Variants in SLAMF8 observed in about 807,000 individuals in gnomAD.
The protein encoded by SLAMF8 is SLAM family member 8.
SLAMF8 carries 23 observed loss-of-function variants against 29.0 expected under a neutral mutation model. The ratio of observed to expected loss-of-function variants is 0.79; its 90% CI spans 0.57 to 1.13. The LOEUF is 1.13. Among genes scored for constraint, SLAMF8 ranks in the 50% most tolerant of loss-of-function variants. The pLI, the probability that SLAMF8 is intolerant of heterozygous loss-of-function variation, is 0.00. For synonymous variants in SLAMF8, 139 were observed against 145.6 expected (o/e 0.96, Z 0.32); for missense variants, 381 against 353.1 (o/e 1.08, Z -0.63).
intron 1 of SLAMF8, among the ~76,000 whole-genome samples, chr1:159,828,311 A>G (rs1571130089): frequency 6.6e-6 from 1 of 152,184 alleles, no homozygotes; most frequent in Non-Finnish European, 1.5e-5. Context: ...CTTGGCTGAC[A>G]TCCAGTGCAA....
rs1647926156 is a variant in SLAMF8, at chr1:159,836,262, A to T, written c.*1002A>T. 1 of 985,258 alleles carries T rather than the reference A, an allele frequency of 1.0e-6. No individual in the cohort carries two copies. The highest frequency in any genetic ancestry group is 1.2e-6 in the Non-Finnish European group (1 of 829,856). The allele number at this position is 985,258 out of a possible 1,614,324, so 61.0% of individuals were successfully genotyped here. The stretch of plus-strand genomic sequence containing the variant: ...CACATTCATTTTCAAATGCAAATGC[A>T]GAAGACTTACCTTAGTTCAAGGGGA... On this transcript the variant is annotated 3_prime_UTR_variant, in exon 5 of 5. Transcript: ENST00000289707.
Position 159,832,970 on chromosome 1 carries a change from C to T in SLAMF8, c.462C>T (p.Ala154=). Residue 154 remains alanine (A), a synonymous_variant, in exon 3 of 5, where the codon GCC becomes GCT. Coordinates refer to ENST00000289707, the MANE Select transcript of SLAMF8 (RefSeq NM_020125.3). ...KTCQVFLSCW[A]PNISEITYSW... The stretch of plus-strand genomic sequence containing the variant: ...GCCAGGTTTTCTTGTCCTGTTGGGC[C>T]CCCAACATCAGCGAAATAACCTATA... 1 of 1,614,178 alleles carries T rather than the reference C, an allele frequency of 6.2e-7. No homozygotes were observed. The highest frequency in any genetic ancestry group is 8.5e-7 in the Non-Finnish European group (1 of 1,180,024).
chr1:159,835,503 T>C lies in SLAMF8; in HGVS notation c.*243T>C. 1.6e-6 allele frequency: 2 copies of C among 1,288,282 alleles called. No individual in the cohort carries two copies. Among genetic ancestry groups the C allele is most frequent in the Non-Finnish European group, 2.0e-6 (2 of 1,017,748 alleles). The allele number at this position is 1,288,282 out of a possible 1,614,324, so 79.8% of individuals were successfully genotyped here. On this transcript the variant is annotated 3_prime_UTR_variant, in exon 5 of 5. Coordinates refer to ENST00000289707, the MANE Select transcript of SLAMF8 (RefSeq NM_020125.3). Reference sequence around the variant, plus strand: ...TATCCTGGCTCTTCTCTGGGCAAGATGAGCCAAGCAGAACATTCCATCCAG... The same window carrying C: ...TATCCTGGCTCTTCTCTGGGCAAGACGAGCCAAGCAGAACATTCCATCCAG...
rs1375092266 is a variant in SLAMF8 at position 159,830,092 on chromosome 1, G to C, written c.267G>C (p.Glu89Asp). 4 of 1,614,224 alleles carry C rather than the reference G, an allele frequency of 2.5e-6. No homozygotes were observed. The South Asian group carries it at 4.4e-5, about 18-fold the overall frequency. Residue 89 changes from glutamate to aspartate, a missense_variant, in exon 2 of 5, where the codon GAG (glutamate) becomes GAC (aspartate). Glu to Asp is a conservative substitution (Grantham distance 45). Coordinates refer to ENST00000289707, the MANE Select transcript of SLAMF8 (RefSeq NM_020125.3). The part of the protein sequence containing the change: ...RAQLHSNLSL[E>D]LGPLESGDSG... ...AGCTACACAGCAACCTCAGCCTGGA[G>C]CTCGGGCCGCTGGAGTCTGGAGACA...
rs1319656638 is a variant in SLAMF8 at position 159,829,911 on chromosome 1, T to C, written c.86T>C (p.Val29Ala). 1.2e-6 allele frequency: 2 copies of C among 1,614,066 alleles called. No individual in the cohort carries two copies. Among genetic ancestry groups the C allele is most frequent in the Non-Finnish European group, 1.7e-6 (2 of 1,179,950 alleles). Residue 29 changes from valine to alanine, a missense_variant, in exon 2 of 5, where the codon GTC becomes GCC. Physicochemically the swap from Val to Ala is moderately conservative, Grantham distance 64 (BLOSUM62 0). Transcript: ENST00000289707. ...TVTGAQVLSKVGGSVLLVAAR... is the reference protein window; with the variant it reads ...TVTGAQVLSKAGGSVLLVAAR... ...ACTGGTGCCCAAGTGCTGAGCAAAGTCGGGGGCTCGGTGCTGCTGGTGGCA... is the reference window on the plus strand; with the variant it reads ...ACTGGTGCCCAAGTGCTGAGCAAAGCCGGGGGCTCGGTGCTGCTGGTGGCA...
intron 3 of SLAMF8, 34 bp downstream of exon 3, chr1:159,833,215 C>T (rs1647628028): frequency 2.5e-6 from 4 of 1,613,968 alleles, no homozygotes; most frequent in Non-Finnish European, 3.4e-6. Flanking sequence ...TGGTTGAGGG[C>T]TTATGAAGCA....
intron 3 of SLAMF8, 38 bp downstream of exon 3, chr1:159,833,219 T>A (rs1331958182): frequency 5.6e-6 from 9 of 1,614,034 alleles, no homozygotes; most frequent in African/African-American, 1.3e-5. Context: ...TGAGGGCTTA[T>A]GAAGCATCAA....
chr1:159,829,728 T>C, intron 1 of SLAMF8, 138 bp from the exon 2 acceptor site: 5 of 835,320 alleles, frequency 6.0e-6, no homozygotes, highest in Non-Finnish European at 9.5e-6. Flanking sequence ...CCCTGGTACC[T>C]AGCACAGTGC....
chr1:159,830,042 C>G lies in SLAMF8; in HGVS notation c.217C>G (p.His73Asp). The G allele has an allele frequency of 6.2e-7, 1 of 1,614,254 alleles. No individual in the cohort carries two copies. The highest frequency in any genetic ancestry group is 8.5e-7 in the Non-Finnish European group (1 of 1,180,042). ...CCGAGGCTCCCTGGAGACTCTGTAC[C>G]ATTCCCGCTTCCTGGGCCGAGCCCA... is the stretch of plus-strand genomic sequence containing the variant. Reference protein sequence around the residue: ...FFRGSLETLYHSRFLGRAQLH... With the variant: ...FFRGSLETLYDSRFLGRAQLH... Residue 73 changes from histidine to aspartate, a missense_variant, in exon 2 of 5, where the codon CAT (histidine) becomes GAT (aspartate). Coordinates refer to ENST00000289707, the MANE Select transcript of SLAMF8 (RefSeq NM_020125.3).
rs147457149 is a variant in SLAMF8, at chr1:159,835,594, C to G, written c.*334C>G. On this transcript the variant is annotated 3_prime_UTR_variant, in exon 5 of 5. Transcript: ENST00000289707. ...TAATAGTCCAAGGCATTCCCTCCCC[C>G]ACCACTATTCATAAAGTATTAACCA... 556 of 1,062,498 alleles carry G rather than the reference C, an allele frequency of 5.2e-4. No homozygotes were observed. Among genetic ancestry groups the G allele is most frequent in the Non-Finnish European group, 6.0e-4 (525 of 879,184 alleles). The allele number at this position is 1,062,498 out of a possible 1,614,324, so 65.8% of individuals were successfully genotyped here.
At chr1:159,829,074 G>A (rs755823979) in intron 1 of SLAMF8, among the ~76,000 whole-genome samples, 23 of 152,022 alleles carry the variant, frequency 1.5e-4, no homozygotes, top group East Asian at 7.7e-4. Flanking sequence ...CACCATCTTC[G>A]TGTTTCTCAA....
At position 159,836,244 on chromosome 1, in the gene SLAMF8, AT is replaced by A. The variant is rs1647924245; in HGVS notation, c.*988del. The stretch of plus-strand genomic sequence containing the variant: ...AGGCACTCTAGAATCTGCCACATTC[AT>A]TTTCAAATGCAAATGCAGAAGACTT... On this transcript the variant is annotated 3_prime_UTR_variant, in exon 5 of 5. Coordinates refer to ENST00000289707, the MANE Select transcript of SLAMF8 (RefSeq NM_020125.3). 21 of 985,474 alleles carry A rather than the reference AT, an allele frequency of 2.1e-5. No homozygotes were observed. Among genetic ancestry groups the A allele is most frequent in the Non-Finnish European group, 2.4e-5 (20 of 829,936 alleles). 61.0% of individuals were successfully genotyped at this position (985,474 alleles called of 1,614,324 possible).
Position 159,837,092 on chromosome 1 carries a change from C to T in SLAMF8, c.*1832C>T. The T allele has an allele frequency of 4.1e-6, 4 of 985,448 alleles. No homozygotes were observed. Among genetic ancestry groups the T allele is most frequent in the East Asian group, 1.1e-4 (1 of 8,816 alleles). 61.0% of individuals were successfully genotyped at this position (985,448 alleles called of 1,614,324 possible). ...TCTTTCGTTCATCTCCAGGGCCCCA[C>T]CTCAGATCAAAGCAGCTCTGGATGA... On this transcript the variant is annotated 3_prime_UTR_variant, in exon 5 of 5. Coordinates refer to ENST00000289707, the MANE Select transcript of SLAMF8 (RefSeq NM_020125.3).
Position 159,833,294 on chromosome 1 carries a change from C to T in SLAMF8, c.706C>T (p.Leu236=). Residue 236 remains leucine, a synonymous_variant, in exon 4 of 5, where the codon CTG becomes TTG. Coordinates refer to ENST00000289707, the MANE Select transcript of SLAMF8 (RefSeq NM_020125.3). ...GAAGGCCTCCTACAAAGATGTGCTG[C>T]TGGTGGTGGTGCCTGTCTCGCTGCT... ...PGKASYKDVL[L]VVVPVSLLLM... The T allele has an allele frequency of 1.2e-6, 2 of 1,614,192 alleles. No individual in the cohort carries two copies. The highest frequency in any genetic ancestry group is 1.1e-5 in the South Asian group (1 of 91,086).
chr1:159,833,055 G>T lies in SLAMF8; in HGVS notation c.547G>T (p.Gly183Ter). 6.2e-7 allele frequency: 1 copy of T among 1,614,146 alleles called. No homozygotes were observed. Among genetic ancestry groups the T allele is most frequent in the Non-Finnish European group, 8.5e-7 (1 of 1,180,028 alleles). Residue 183 changes from glycine (G) to a stop codon, truncating the protein, a stop_gained, in exon 3 of 5, where the codon GGA becomes TGA. Coordinates refer to ENST00000289707, the MANE Select transcript of SLAMF8 (RefSeq NM_020125.3). LOFTEE classifies it high-confidence loss of function. ...GGAACCACACAGCCTCTTCACAGACGGACAGGTGCTGAGCATTTCCCTGGG... is the reference window on the plus strand; with the variant it reads ...GGAACCACACAGCCTCTTCACAGACTGACAGGTGCTGAGCATTTCCCTGGG... ...GMEPHSLFTD[G>*]QVLSISLGPG...
chr1:159,832,366 G>A (rs920991876), intron 2 of SLAMF8, among the ~76,000 whole-genome samples: 13 of 152,328 alleles, frequency 8.5e-5, no homozygotes, highest in African/African-American at 2.4e-4. Flanking sequence ...ATAAATGCTT[G>A]TCATCTCTTG....
chr1:159,829,600 T>C (rs915421256), intron 1 of SLAMF8, among the ~76,000 whole-genome samples: 2 of 152,220 alleles, frequency 1.3e-5, no homozygotes, highest in Non-Finnish European at 2.9e-5. Flanking sequence ...TCCCAGGGCA[T>C]CTCATTTTTC....
intron 4 of SLAMF8, among the ~76,000 whole-genome samples, chr1:159,833,974 T>A (rs1647696470): frequency 6.6e-6 from 1 of 152,200 alleles, no homozygotes; most frequent in African/African-American, 2.4e-5. Context: ...TTCTACAAAA[T>A]GGCTCCCTAA....
chr1:159,834,353 C>T (rs1013315865), intron 4 of SLAMF8: 27 of 152,260 alleles, frequency 1.8e-4, no homozygotes, highest in Non-Finnish European at 3.7e-4. Flanking sequence ...GAGGGAACAG[C>T]TGAGCCTGCA....
Sources: gnomAD v4.1 joint callset for allele counts (sites outside exome capture counted in the v4.1 genomes callset) on GRCh38, gnomAD v4.1.1 for gene constraint, MANE v1.5 for transcripts, NCBI Gene and HGNC (gene_info 2026-07-23, HGNC 2026-07-21) for gene names.